The following SPNS2 variants were observed in gnomAD, a reference collection of about 807,000 sequenced individuals.
The protein encoded by SPNS2 is sphingosine-1-phosphate transporter SPNS2.
Under a neutral mutation model 57.6 loss-of-function variants are expected in SPNS2, and 37 were observed. The ratio of observed to expected loss-of-function variants is 0.64; its 90% CI spans 0.49 to 0.85. The LOEUF (loss-of-function observed/expected upper bound fraction) is 0.85, where lower values mean the gene tolerates loss of function less well. SPNS2 is among the 40% of genes least tolerant of loss of function. The probability of loss-of-function intolerance (pLI) is 0.00; values close to 1 mark genes in which losing one functional copy is unlikely to be tolerated. For missense variants in SPNS2, 831 were observed against 779.1 expected (o/e 1.07, Z -0.79); for synonymous variants, 440 against 346.9 (o/e 1.27, Z -2.98).
chr17:4,523,164 T>C (rs941585444), intron 2 of SPNS2, among the ~76,000 whole-genome samples: 1 of 152,230 alleles, frequency 6.6e-6, no homozygotes, highest in African/African-American at 2.4e-5. Context: ...GGTGGCCGGG[T>C]GCAGTGGCTC....
At chr17:4,529,558 C>G (rs1905370252) in intron 3 of SPNS2, among the ~76,000 whole-genome samples, 1 of 152,024 alleles carries the variant, frequency 6.6e-6, no homozygotes. Context: ...TATAATCCCA[C>G]CTCCTCAGGA....
intron 2 of SPNS2, among the ~76,000 whole-genome samples, chr17:4,521,841 G>A (rs576451766): frequency 2.6e-5 from 4 of 152,290 alleles, no homozygotes; most frequent in Middle Eastern, 3.4e-3. Flanking sequence ...CCTTTCCAAC[G>A]CCCATCAGTG....
At chr17:4,535,327 G>C (rs1468791716) in intron 9 of SPNS2, among the ~76,000 whole-genome samples, 5 of 152,206 alleles carry the variant, frequency 3.3e-5, no homozygotes, top group Non-Finnish European at 5.9e-5. Context: ...TTGCAGGCAG[G>C]GGCCTGCCTC....
intron 1 of SPNS2, among the ~76,000 whole-genome samples, chr17:4,503,458 G>A (rs1056271184): frequency 1.3e-5 from 2 of 152,152 alleles, no homozygotes; most frequent in African/African-American, 2.4e-5. Flanking sequence ...GGGGTCTCAC[G>A]CCCCCTCTAA....
chr17:4,530,329 T>G (rs2144359869), intron 3 of SPNS2, among the ~76,000 whole-genome samples: 1 of 152,184 alleles, frequency 6.6e-6, no homozygotes, highest in South Asian at 2.1e-4. Context: ...TAGGCTTGTG[T>G]CCCCAGTGCC....
intron 2 of SPNS2, among the ~76,000 whole-genome samples, chr17:4,524,735 G>A (rs1424650510): frequency 6.6e-6 from 1 of 152,164 alleles, no homozygotes; most frequent in Non-Finnish European, 1.5e-5. Flanking sequence ...GACATGGTGA[G>A]CCCCTAGCAT....
chr17:4,506,208 C>T (rs867797641), intron 1 of SPNS2, among the ~76,000 whole-genome samples: 2 of 152,128 alleles, frequency 1.3e-5, no homozygotes, highest in Non-Finnish European at 2.9e-5. Flanking sequence ...CCATCCGAGG[C>T]GGGGAGCAGC....
At chr17:4,534,331 C>T (rs1221231482) in intron 9 of SPNS2, 4 of 194,228 alleles carry the variant, frequency 2.1e-5, no homozygotes, top group Non-Finnish European at 3.2e-5. Flanking sequence ...TCTTGAGCGG[C>T]CAGCAGGGGC....
At chr17:4,500,801 T>TC (rs1904472326) in intron 1 of SPNS2, among the ~76,000 whole-genome samples, 2 of 151,612 alleles carry the variant, frequency 1.3e-5, no homozygotes, top group East Asian at 3.9e-4. Flanking sequence ...GGCTTCCCCC[T>TC]CCCCCCATTC....
Position 4,516,316 on chromosome 17 carries a change from C to CAAAAAAAAAAAAAAAAAA in SPNS2, c.436+3014_436+3031dup, listed in dbSNP as rs67710825. 4.0e-4 allele frequency among the ~76,000 whole-genome samples: 27 copies of CAAAAAAAAAAAAAAAAAA among 67,488 alleles called. 2 individuals are homozygous for CAAAAAAAAAAAAAAAAAA. Among genetic ancestry groups the CAAAAAAAAAAAAAAAAAA allele is most frequent in the African/African-American group, 1.9e-3 (26 of 13,476 alleles). The allele number at this position is 67,488 out of a possible 152,430, so 44.3% of individuals were successfully genotyped here. On this transcript the variant is annotated intron_variant, in intron 2 of 12. Coordinates refer to ENST00000329078, the MANE Select transcript of SPNS2 (RefSeq NM_001124758.3). ...GTGACAGAGTGAGACTCTATCTCCCCAAAAAAAAAAAAAAAAAAAAAAAAA... is the reference window on the plus strand; with the variant it reads ...GTGACAGAGTGAGACTCTATCTCCCCAAAAAAAAAAAAAAAAAAAAAAAAAAAAAAAAAAAAAAAAAAA...
intron 1 of SPNS2, among the ~76,000 whole-genome samples, chr17:4,505,399 G>T (rs926135225): frequency 6.6e-6 from 1 of 152,192 alleles, no homozygotes; most frequent in African/African-American, 2.4e-5. Flanking sequence ...ACAGTGGCTG[G>T]TGCTGTCTCT....
chr17:4,509,469 AAGG>A (rs1481297958), intron 1 of SPNS2, among the ~76,000 whole-genome samples: 9 of 152,226 alleles, frequency 5.9e-5, no homozygotes, highest in African/African-American at 1.7e-4. Context: ...TCACCTGTGA[AAGG>A]AGGAGAGGAA....
At chr17:4,527,781 A>T (rs549956419) in intron 3 of SPNS2, among the ~76,000 whole-genome samples, 3 of 152,340 alleles carry the variant, frequency 2.0e-5, no homozygotes, top group African/African-American at 7.2e-5. Context: ...CGGGGACTCC[A>T]GCCCTGCTGG....
At chr17:4,530,423 GC>G (rs1334328882) in intron 3 of SPNS2, among the ~76,000 whole-genome samples, 1 of 152,178 alleles carries the variant, frequency 6.6e-6, no homozygotes, top group Admixed American at 6.5e-5. Context: ...GGCCGGCCAG[GC>G]CCCGTCAGAC....
chr17:4,536,077 A>G lies in SPNS2; in HGVS notation c.1346A>G (p.Tyr449Cys), dbSNP rs1905772862. 1.9e-6 allele frequency: 3 copies of G among 1,610,838 alleles called. No homozygotes were observed. The highest frequency in any genetic ancestry group is 2.2e-5 in the East Asian group (1 of 44,872). ...CTGACCTGCCCGCCTGTTCCGCAGT[A>G]CGTGGTCATCCCCACGCGGCGCGCC... is the stretch of plus-strand genomic sequence containing the variant. Reference protein sequence around the residue: ...NWAITADILMYVVIPTRRATA... With the variant: ...NWAITADILMCVVIPTRRATA... Residue 449 changes from tyrosine to cysteine, a missense_variant and splice_region_variant, in exon 10 of 13, where the codon TAC becomes TGC. By Grantham distance (194) the Tyr-to-Cys change is radical. Around this residue, in one of 2 missense-constraint regions of SPNS2, gnomAD observed 526 missense variants for 400.9 expected, o/e 1.31. Coordinates refer to ENST00000329078, the MANE Select transcript of SPNS2 (RefSeq NM_001124758.3).
Position 4,533,148 on chromosome 17 carries a change from G to A in SPNS2, c.1088+19G>A. The stretch of plus-strand genomic sequence containing the variant: ...AGGACAGGTGGGGCCCCGCGGGGTG[G>A]GCCCAGGGCTGGTGAGGGACCTCGG... On this transcript the variant is annotated intron_variant, in intron 7 of 12. Coordinates refer to ENST00000329078, the MANE Select transcript of SPNS2 (RefSeq NM_001124758.3). 6.3e-7 allele frequency: 1 copy of A among 1,594,328 alleles called. No individual in the cohort carries two copies.
chr17:4,536,365 G>T lies in SPNS2; in HGVS notation c.1546G>T (p.Gly516Cys), dbSNP rs992178680. Residue 516 changes from glycine (G) to cysteine (C), a missense_variant, in exon 11 of 13, where the codon GGC becomes TGC. By Grantham distance (159) the Gly-to-Cys change is radical. Transcript: ENST00000329078. ...CTGCCCTTTCGTCGTGGTCCTGGGCGGCATGTTCTTCCTCGCCACTGCGCT... is the reference window on the plus strand; with the variant it reads ...CTGCCCTTTCGTCGTGGTCCTGGGCTGCATGTTCTTCCTCGCCACTGCGCT... ...MLCPFVVVLG[G>C]MFFLATALFF... 1 of 1,609,942 alleles carries T rather than the reference G, an allele frequency of 6.2e-7. No homozygotes were observed. The highest frequency in any genetic ancestry group is 8.5e-7 in the Non-Finnish European group (1 of 1,179,914).
intron 2 of SPNS2, among the ~76,000 whole-genome samples, chr17:4,518,818 G>A (rs1385465066): frequency 6.6e-6 from 1 of 152,232 alleles, no homozygotes; most frequent in Non-Finnish European, 1.5e-5. Flanking sequence ...GCAGACTTGG[G>A]TTCTGAAGGC....
intron 1 of SPNS2, among the ~76,000 whole-genome samples, chr17:4,503,107 G>A (rs1031585590): frequency 7.9e-5 from 12 of 152,178 alleles, no homozygotes; most frequent in African/African-American, 2.2e-4. Context: ...ACCTCCTTGC[G>A]CAGATGGGAA....
Sources: gnomAD v4.1 joint callset for allele counts (sites outside exome capture counted in the v4.1 genomes callset) on GRCh38, gnomAD v4.1.1 for gene constraint, gnomAD v4.1.1 regional missense constraint, MANE v1.5 for transcripts, NCBI Gene and HGNC (gene_info 2026-07-23, HGNC 2026-07-21) for gene names.